The following KIF1B variants were observed in gnomAD, a reference collection of about 807,000 sequenced individuals.
KIF1B encodes the protein kinesin-like protein KIF1B.
In KIF1B, 76 loss-of-function variants were observed where a neutral mutation model predicts 241.9. That is an observed-to-expected ratio of 0.31 (90% CI 0.26 to 0.38). KIF1B has a LOEUF of 0.38. KIF1B is among the 10% of genes least tolerant of loss of function. The pLI is 1.00. For missense variants in KIF1B, 1,622 were observed against 2,271.4 expected (o/e 0.71, Z 5.81); for synonymous variants, 750 against 796.7 (o/e 0.94, Z 0.99).
At chr1:10,372,742 G>C (rs1188188184) in intron 45 of KIF1B, among the ~76,000 whole-genome samples, 1 of 147,432 alleles carries the variant, frequency 6.8e-6, no homozygotes, top group Non-Finnish European at 1.5e-5. Context: ...CCATTCTCCT[G>C]CTTCAGCCTC....
intron 2 of KIF1B, among the ~76,000 whole-genome samples, chr1:10,245,971 C>T (rs1245568598): frequency 1.3e-5 from 2 of 152,174 alleles, no homozygotes; most frequent in Non-Finnish European, 2.9e-5. Context: ...TCAGATCTCT[C>T]TCTCCAGAAA....
chr1:10,216,361 C>T lies in KIF1B; in HGVS notation c.-80+5483C>T, dbSNP rs1320691198. On this transcript the variant is annotated intron_variant, in intron 1 of 48. Coordinates refer to ENST00000676179, the MANE Select transcript of KIF1B (RefSeq NM_001365951.3). ...CTTTCATAATCACTTTATGTGTGTT[C>T]TCCCACTCTAAGTCTCCTAAACCGT... Among the ~76,000 whole-genome samples the T allele has an allele frequency of 2.6e-5, 4 of 152,172 alleles. No homozygotes were observed. The East Asian group carries it at 7.7e-4, about 29-fold the overall frequency.
Position 10,365,732 on chromosome 1 carries a change from TG to T in KIF1B, c.4752+85del. The T allele has an allele frequency of 1.3e-6, 2 of 1,563,866 alleles. No homozygotes were observed. Among genetic ancestry groups the T allele is most frequent in the East Asian group, 4.5e-5 (2 of 44,678 alleles). ...TCGGTTTATTCATTTTCAACACCTT[TG>T]TTCGAGGTGTTTGAAGGCCTGTGAT... On this transcript the variant is annotated intron_variant, in intron 43 of 48. Transcript: ENST00000676179. The surrounding 1 kb of genome is among the most constrained non-coding windows in gnomAD (Gnocchi z 4.0).
chr1:10,255,973 T>A (rs986512647), intron 2 of KIF1B, among the ~76,000 whole-genome samples: 6 of 151,792 alleles, frequency 4.0e-5, no homozygotes, highest in Admixed American at 3.9e-4. Flanking sequence ...TTGTTTTTTT[T>A]TTTTTTGGTA....
intron 22 of KIF1B, chr1:10,305,022 A>T: frequency 3.6e-6 from 4 of 1,103,736 alleles, no homozygotes; most frequent in Non-Finnish European, 4.4e-6. Flanking sequence ...TAGTTTATGC[A>T]GACATTCAAA....
chr1:10,283,502 A>C (rs896896512), intron 15 of KIF1B, among the ~76,000 whole-genome samples: 2 of 152,296 alleles, frequency 1.3e-5, no homozygotes, highest in African/African-American at 4.8e-5. Context: ...TATGAATATG[A>C]AAGTTAAGAG....
chr1:10,369,476 T>A (rs759406170), intron 44 of KIF1B, among the ~76,000 whole-genome samples: 9 of 151,576 alleles, frequency 5.9e-5, no homozygotes, highest in Non-Finnish European at 1.2e-4. Flanking sequence ...TACAAAAAAA[T>A]TTTTGAAAAA....
At chr1:10,332,501 A>ATTTTTT (rs568393252) in intron 27 of KIF1B, among the ~76,000 whole-genome samples, 19 of 58,684 alleles carry the variant, frequency 3.2e-4, no homozygotes, top group African/African-American at 9.8e-4. Flanking sequence ...GATAATAGTC[A>ATTTTTT]TTTTTTTTTT....
chr1:10,261,877 T>C, intron 4 of KIF1B, 28 bp from the exon 5 acceptor site: 1 of 1,506,800 alleles, frequency 6.6e-7, no homozygotes, highest in Non-Finnish European at 9.2e-7. Context: ...TTTGTGCTCT[T>C]CATGCCTCTC....
chr1:10,307,192 CT>C, intron 22 of KIF1B: 1 of 1,029,916 alleles, frequency 9.7e-7, no homozygotes, highest in Non-Finnish European at 1.2e-6. Flanking sequence ...TGAGCAAATG[CT>C]TATCCTAGAG....
intron 9 of KIF1B, chr1:10,272,586 C>T (rs1160398558): frequency 3.9e-6 from 2 of 514,744 alleles, no homozygotes; most frequent in East Asian, 3.7e-5. Flanking sequence ...TTTTATGTTT[C>T]TCACAAAAAC....
At chr1:10,217,551 A>G (rs1239510215) in intron 1 of KIF1B, among the ~76,000 whole-genome samples, 2 of 152,050 alleles carry the variant, frequency 1.3e-5, no homozygotes, top group East Asian at 1.9e-4. Flanking sequence ...TTCTGGCCTC[A>G]GGTGATCCAC....
Position 10,376,728 on chromosome 1 carries a change from T to G in KIF1B, c.*141T>G. The G allele has an allele frequency of 1.2e-6, 1 of 839,906 alleles. No homozygotes were observed. Among genetic ancestry groups the G allele is most frequent in the Non-Finnish European group, 2.0e-6 (1 of 495,710 alleles). The allele number at this position is 839,906 out of a possible 1,614,324, so 52.0% of individuals were successfully genotyped here. On this transcript the variant is annotated 3_prime_UTR_variant, in exon 49 of 49. Transcript: ENST00000676179. The stretch of plus-strand genomic sequence containing the variant: ...TCTCCCTCCTTGTCCAGCACTTTTC[T>G]AGCTCTCCCGTTCCCCATCTCCATT...
intron 2 of KIF1B, among the ~76,000 whole-genome samples, chr1:10,233,784 G>A (rs1487509490): frequency 1.3e-5 from 2 of 149,682 alleles, no homozygotes; most frequent in Non-Finnish European, 1.5e-5. Context: ...CATGATCTCA[G>A]GTGCCTGCCA....
intron 27 of KIF1B, among the ~76,000 whole-genome samples, chr1:10,331,188 G>A (rs1273921866): frequency 6.6e-6 from 1 of 152,194 alleles, no homozygotes; most frequent in Non-Finnish European, 1.5e-5. Context: ...CTCTTTAATG[G>A]CCCAGGCCTT....
At chr1:10,304,210 G>A (rs1569776653) in intron 22 of KIF1B, 1 of 1,614,144 alleles carries the variant, frequency 6.2e-7, no homozygotes, top group Non-Finnish European at 8.5e-7. Flanking sequence ...AGAAAAAGGG[G>A]GTAAAGGAGC....
chr1:10,211,630 C>G (rs11121529), intron 1 of KIF1B: 29,368 of 151,938 alleles, frequency 0.19, 4,098 homozygotes, highest in African/African-American at 0.39. Context: ...GCTGCTTGAG[C>G]AAGCTAGTCA....
intron 1 of KIF1B, among the ~76,000 whole-genome samples, chr1:10,220,722 G>T (rs1487588952): frequency 6.6e-6 from 1 of 152,100 alleles, no homozygotes; most frequent in Non-Finnish European, 1.5e-5. Flanking sequence ...TAGCGCAATG[G>T]TATCATCTTG....
intron 7 of KIF1B, among the ~76,000 whole-genome samples, chr1:10,270,786 CGTG>C (rs911281294): frequency 2.0e-5 from 3 of 151,612 alleles, no homozygotes; most frequent in Admixed American, 1.3e-4. Context: ...ATTAGCTGGG[CGTG>C]GTGGTGGGCG....
Sources: gnomAD v4.1 joint callset for allele counts (sites outside exome capture counted in the v4.1 genomes callset) on GRCh38, gnomAD v4.1.1 for gene constraint, Gnocchi (gnomAD v3.1) non-coding constraint, MANE v1.5 for transcripts, NCBI Gene and HGNC (gene_info 2026-07-23, HGNC 2026-07-21) for gene names.